Variants in C14orf132 observed in about 807,000 individuals in gnomAD.
The protein encoded by C14orf132 is uncharacterized protein C14orf132.
A neutral mutation model predicts 5.8 loss-of-function variants in C14orf132; 6 were observed. That is an observed-to-expected ratio of 1.03 (90% CI 0.57 to 2.04). The LOEUF (loss-of-function observed/expected upper bound fraction) is 2.04. Among genes scored for constraint, C14orf132 ranks in the 30% most tolerant of loss-of-function variants. C14orf132 has a pLI of 0.00. For synonymous variants in C14orf132, 51 were observed against 49.8 expected (o/e 1.02, Z -0.10); for missense variants, 125 against 115.8 (o/e 1.08, Z -0.37).
intron 1 of C14orf132, among the ~76,000 whole-genome samples, chr14:96,049,086 A>G (rs1376743765): frequency 6.6e-6 from 1 of 152,028 alleles, no homozygotes; most frequent in Non-Finnish European, 1.5e-5. Context: ...CACTGTATCC[A>G]GCTAATTTTT....
chr14:96,069,744 C>T (rs1440926497), intron 1 of C14orf132, among the ~76,000 whole-genome samples: 2 of 152,172 alleles, frequency 1.3e-5, no homozygotes, highest in Non-Finnish European at 2.9e-5. Flanking sequence ...AAATGCATGC[C>T]ACAAAATCCT....
chr14:96,085,324 A>G (rs1888149780), intron 1 of C14orf132, among the ~76,000 whole-genome samples: 1 of 152,198 alleles, frequency 6.6e-6, no homozygotes, highest in Non-Finnish European at 1.5e-5. Context: ...TTCAAAAGAA[A>G]CATTGATTAT....
At chr14:96,047,544 C>A (rs1160354142) in intron 1 of C14orf132, among the ~76,000 whole-genome samples, 2 of 152,104 alleles carry the variant, frequency 1.3e-5, no homozygotes, top group Non-Finnish European at 2.9e-5. Flanking sequence ...TCAACAGATG[C>A]CTTTGAGGTA....
In C14orf132 at chr14:96,086,836, A is replaced by AC. The variant is rs1270129645; in HGVS notation, c.*103dup. On this transcript the variant is annotated 3_prime_UTR_variant, in exon 2 of 2. Coordinates refer to ENST00000555004, the MANE Select transcript of C14orf132 (RefSeq NM_001252507.3). ...CTGTGTTCTAGAACCAGGAGTTTTG[A>AC]CCAGGGGCGGCGGCCGTCCTTCTGG... 6 of 1,206,514 alleles carry AC rather than the reference A, an allele frequency of 5.0e-6. No individual in the cohort carries two copies. Among genetic ancestry groups the AC allele is most frequent in the Non-Finnish European group, 6.8e-6 (6 of 876,582 alleles). The allele number at this position is 1,206,514 out of a possible 1,614,324, so 74.7% of individuals were successfully genotyped here.
At position 96,057,047 on chromosome 14, in the gene C14orf132, C is replaced by T. The variant is rs115928947; in HGVS notation, c.27+17520C>T. Among the ~76,000 whole-genome samples the T allele has an allele frequency of 5.7e-3, 862 of 152,302 alleles. 9 individuals are homozygous for T. Among genetic ancestry groups the T allele is most frequent in the African/African-American group, 0.02 (828 of 41,548 alleles). On this transcript the variant is annotated intron_variant, in intron 1 of 1. Transcript: ENST00000555004. ...CTCAAGCATCAGACACTTAATGGGG[C>T]TCACAGGCACACCTACAGGGTTTTG...
In C14orf132 at chr14:96,093,959, G is replaced by A. The variant is rs928094953; in HGVS notation, c.*7224G>A. On this transcript the variant is annotated 3_prime_UTR_variant, in exon 2 of 2. Coordinates refer to ENST00000555004, the MANE Select transcript of C14orf132 (RefSeq NM_001252507.3). Reference sequence around the variant, plus strand: ...GATCTACTCAGCTTTAAATGGCTCAGCCCCAGCGTCACCTCCATTCTGATG... The same window carrying A: ...GATCTACTCAGCTTTAAATGGCTCAACCCCAGCGTCACCTCCATTCTGATG... 6.6e-6 allele frequency: 1 copy of A among 152,108 alleles called. No homozygotes were observed. The highest frequency in any genetic ancestry group is 1.5e-5 in the Non-Finnish European group (1 of 68,030). 9.4% of individuals were successfully genotyped at this position (152,108 alleles called of 1,614,324 possible). A position where few individuals can be genotyped will look rare whatever the true frequency, so the allele number is the denominator to read the frequency against.
chr14:96,086,182 C>T (rs1031426764), intron 1 of C14orf132, among the ~76,000 whole-genome samples: 3 of 152,014 alleles, frequency 2.0e-5, no homozygotes, highest in African/African-American at 4.8e-5. Flanking sequence ...CAACCCATAT[C>T]GTTATGGAGG....
At chr14:96,064,018 A>G (rs756719040) in intron 1 of C14orf132, among the ~76,000 whole-genome samples, 21 of 152,220 alleles carry the variant, frequency 1.4e-4, no homozygotes, top group African/African-American at 3.9e-4. Context: ...CGAAACCACA[A>G]TGCGATACCA....
intron 1 of C14orf132, among the ~76,000 whole-genome samples, chr14:96,076,490 C>T (rs563709079): frequency 1.9e-4 from 29 of 152,082 alleles, no homozygotes; most frequent in African/African-American, 6.8e-4. Context: ...TCCCCTCTTC[C>T]TAATTTCTTA....
chr14:96,055,174 G>A (rs960673981), intron 1 of C14orf132, among the ~76,000 whole-genome samples: 10 of 152,160 alleles, frequency 6.6e-5, no homozygotes, highest in African/African-American at 2.4e-4. Context: ...TCACATCAGT[G>A]CTCCCTGCTC....
chr14:96,045,713 A>T (rs1595166654), intron 1 of C14orf132, among the ~76,000 whole-genome samples: 1 of 152,362 alleles, frequency 6.6e-6, no homozygotes, highest in Middle Eastern at 3.4e-3. Flanking sequence ...TTAACAATTA[A>T]ATGTTAGAAA....
At chr14:96,081,702 G>A (rs920378535) in intron 1 of C14orf132, among the ~76,000 whole-genome samples, 4 of 152,068 alleles carry the variant, frequency 2.6e-5, no homozygotes, top group Admixed American at 6.5e-5. Context: ...GGGCTCAGGC[G>A]ATCCTCCCAC....
intron 1 of C14orf132, among the ~76,000 whole-genome samples, chr14:96,076,312 C>T (rs539225088): frequency 7.9e-5 from 12 of 152,282 alleles, no homozygotes; most frequent in African/African-American, 2.9e-4. Context: ...TGTTTTCTCC[C>T]TTCTTGCTCA....
intron 1 of C14orf132, among the ~76,000 whole-genome samples, chr14:96,040,956 A>G (rs1200557693): frequency 2.0e-5 from 3 of 152,210 alleles, no homozygotes; most frequent in Non-Finnish European, 2.9e-5. Flanking sequence ...TTAACAAGAT[A>G]AACTGATCCC....
chr14:96,066,745 C>A (rs1163943653), intron 1 of C14orf132, among the ~76,000 whole-genome samples: 1 of 152,028 alleles, frequency 6.6e-6, no homozygotes, highest in Non-Finnish European at 1.5e-5. Flanking sequence ...GAGTACACAT[C>A]TAACTATAAG....
At chr14:96,079,439 C>G (rs1887967886) in intron 1 of C14orf132, among the ~76,000 whole-genome samples, 1 of 151,972 alleles carries the variant, frequency 6.6e-6, no homozygotes, top group Non-Finnish European at 1.5e-5. Context: ...TCACCTTTTT[C>G]CTCTCTCTGT....
intron 1 of C14orf132, among the ~76,000 whole-genome samples, chr14:96,082,807 G>C (rs1055489342): frequency 1.3e-5 from 2 of 152,196 alleles, no homozygotes; most frequent in African/African-American, 2.4e-5. Context: ...TTGCGTAACT[G>C]TCTTGGGCCA....
intron 1 of C14orf132, among the ~76,000 whole-genome samples, chr14:96,078,421 A>G (rs953040424): frequency 6.6e-6 from 1 of 152,180 alleles, no homozygotes; most frequent in African/African-American, 2.4e-5. Flanking sequence ...TGGGAGATAA[A>G]AAAGGCAAAA....
At chr14:96,058,010 G>A (rs535050033) in intron 1 of C14orf132, among the ~76,000 whole-genome samples, 3 of 152,270 alleles carry the variant, frequency 2.0e-5, no homozygotes, top group South Asian at 2.1e-4. Context: ...TCCGTTGAAC[G>A]TGTTACACAG....
Sources: allele counts gnomAD v4.1 joint callset (sites outside exome capture counted in the v4.1 genomes callset), GRCh38; gene constraint gnomAD v4.1.1; transcripts MANE v1.5; gene names NCBI Gene and HGNC (gene_info 2026-07-23, HGNC 2026-07-21).